Variants in ARHGEF3 observed in about 807,000 individuals in gnomAD.
ARHGEF3 encodes the protein 59.8 kDA protein.
Under a neutral mutation model 63.2 loss-of-function variants are expected in ARHGEF3, and 28 were observed. The observed-to-expected ratio is 0.44, with a 90% CI of 0.33 to 0.61. ARHGEF3 has a LOEUF of 0.61. Among genes scored for constraint, ARHGEF3 ranks in the 20% least tolerant of loss-of-function variants. The probability of loss-of-function intolerance (pLI) is 0.03; values close to 1 mark genes in which losing one functional copy is unlikely to be tolerated. For missense variants in ARHGEF3, 533 were observed against 659.3 expected, an observed-to-expected ratio of 0.81 and a Z score of 2.10; for synonymous variants, 266 against 254.2, an observed-to-expected ratio of 1.05 and a Z score of -0.44.
At chr3:56,729,684 G>A in intron 9 of ARHGEF3, 62 bp from the exon 10 acceptor site, 2 of 1,371,862 alleles carry the variant, frequency 1.5e-6, no homozygotes, top group Non-Finnish European at 2.0e-6. Flanking sequence ...AGGCCAAAGA[G>A]AACACACGTA....
At chr3:56,760,543 C>T (rs1049061666) in intron 2 of ARHGEF3, among the ~76,000 whole-genome samples, 6 of 152,106 alleles carry the variant, frequency 3.9e-5, no homozygotes, top group Admixed American at 1.3e-4. Flanking sequence ...GTCTTTTATG[C>T]GCTTTGCCTA....
chr3:56,803,850 AT>A, upstream of ARHGEF3, among the ~76,000 whole-genome samples: 1 of 151,590 alleles, frequency 6.6e-6, no homozygotes, highest in South Asian at 2.1e-4. Context: ...TTGGGAAATT[AT>A]AGTTTTTTAA....
chr3:56,993,664 C>T (rs539170838), intron 2 of ARHGEF3, among the ~76,000 whole-genome samples: 2 of 151,958 alleles, frequency 1.3e-5, no homozygotes, highest in Non-Finnish European at 1.5e-5. Flanking sequence ...CATGAGCCAC[C>T]GTGCCCAGCC....
intron 4 of ARHGEF3, among the ~76,000 whole-genome samples, chr3:56,814,283 G>A (rs1188825053): frequency 6.6e-6 from 1 of 152,050 alleles, no homozygotes; most frequent in Non-Finnish European, 1.5e-5. Flanking sequence ...TTCGTAAAAC[G>A]TTATGAGACT....
intron 2 of ARHGEF3, among the ~76,000 whole-genome samples, chr3:57,011,830 C>T (rs1259283924): frequency 6.6e-6 from 1 of 152,170 alleles, no homozygotes; most frequent in Non-Finnish European, 1.5e-5. Context: ...TTTATCACTG[C>T]AGGCCTCACT....
chr3:57,028,715 TAAAA>T (rs150495447), intron 2 of ARHGEF3, among the ~76,000 whole-genome samples: 1 of 134,532 alleles, frequency 7.4e-6, no homozygotes, highest in African/African-American at 2.9e-5. Flanking sequence ...AATAAATAAA[TAAAA>T]AAAAAAGAAC....
At chr3:56,893,496 A>G (rs1317019661) in intron 3 of ARHGEF3, among the ~76,000 whole-genome samples, 1 of 152,134 alleles carries the variant, frequency 6.6e-6, no homozygotes, top group Admixed American at 6.5e-5. Flanking sequence ...TGGGCTTTAT[A>G]ACAACTGTCT....
chr3:56,882,284 A>C, intron 4 of ARHGEF3: 1 of 1,551,462 alleles, frequency 6.4e-7, no homozygotes, highest in Non-Finnish European at 8.7e-7. Context: ...AGAAAGGACT[A>C]TACTTACACT....
intron 3 of ARHGEF3, among the ~76,000 whole-genome samples, chr3:56,951,104 G>GT (rs770994955): frequency 2.0e-5 from 3 of 151,602 alleles, no homozygotes; most frequent in Non-Finnish European, 2.9e-5. Context: ...ACAGGAAGGG[G>GT]AACATCACAC....
chr3:56,818,166 A>G (rs2108026384), intron 4 of ARHGEF3, among the ~76,000 whole-genome samples: 1 of 152,354 alleles, frequency 6.6e-6, no homozygotes, highest in South Asian at 2.1e-4. Flanking sequence ...GAAGTGGAAC[A>G]CATTTGTTAC....
intron 2 of ARHGEF3, among the ~76,000 whole-genome samples, chr3:56,758,558 C>T (rs899786883): frequency 6.6e-6 from 1 of 152,188 alleles, no homozygotes; most frequent in Non-Finnish European, 1.5e-5. Flanking sequence ...AGTAGCAACA[C>T]AAGCCCCTTA....
rs192994681 is a variant in ARHGEF3, at chr3:56,891,303, C to T, written c.130-8949G>A. 8.7e-4 allele frequency among the ~76,000 whole-genome samples: 132 copies of T among 151,540 alleles called. No homozygotes were observed. In the Middle Eastern group the frequency reaches 0.01, roughly 12 times the overall value. On this transcript the variant is annotated intron_variant, in intron 3 of 12. Transcript: ENST00000338458. ...AATGTGCTGGGATTACAGGTGTGAC[C>T]CACCGTGCCTGGCCCCTACTCCATT...
intron 3 of ARHGEF3, among the ~76,000 whole-genome samples, chr3:56,900,640 C>T (rs2041472538): frequency 6.6e-6 from 1 of 152,156 alleles, no homozygotes; most frequent in Non-Finnish European, 1.5e-5. Context: ...AAAACAACAC[C>T]ACCACCAACG....
At chr3:56,781,771 G>C (rs2036578355) in intron 1 of ARHGEF3, among the ~76,000 whole-genome samples, 1 of 152,170 alleles carries the variant, frequency 6.6e-6, no homozygotes, top group Admixed American at 6.5e-5. Flanking sequence ...CCAATTTAGG[G>C]AGTGTTTACT....
intron 2 of ARHGEF3, among the ~76,000 whole-genome samples, chr3:56,763,701 T>C (rs925575436): frequency 6.6e-6 from 1 of 152,158 alleles, no homozygotes; most frequent in African/African-American, 2.4e-5. Flanking sequence ...AATTTTTGTT[T>C]TCTTTTTAAA....
intron 1 of ARHGEF3, among the ~76,000 whole-genome samples, chr3:57,070,601 G>A (rs1560177458): frequency 6.6e-6 from 1 of 152,042 alleles, no homozygotes; most frequent in Non-Finnish European, 1.5e-5. Context: ...GTCTCTTTTT[G>A]CAGAAACTAA....
chr3:56,825,304 C>T (rs965870705), intron 4 of ARHGEF3, among the ~76,000 whole-genome samples: 1 of 152,256 alleles, frequency 6.6e-6, no homozygotes, highest in Admixed American at 6.5e-5. Flanking sequence ...CCACATTCTT[C>T]ACAAGCTATA....
At position 56,733,344 on chromosome 3, in the gene ARHGEF3, G is replaced by C. The variant is rs76947901; in HGVS notation, c.1042-920C>G. The stretch of plus-strand genomic sequence containing the variant: ...AGGTGGGCGGGGCGGGGGGGGGGGG[G>C]GGGCGCCTGTAATCCCAGCTACTCA... On this transcript the variant is annotated intron_variant, in intron 8 of 9. Transcript: ENST00000296315. 7.8e-5 allele frequency among the ~76,000 whole-genome samples: 5 copies of C among 64,264 alleles called. 1 individual carries two copies. The highest frequency in any genetic ancestry group is 1.2e-3 in the East Asian group (2 of 1,736). 42.2% of individuals were successfully genotyped at this position (64,264 alleles called of 152,430 possible).
intron 3 of ARHGEF3, among the ~76,000 whole-genome samples, chr3:56,894,691 G>A (rs1243576769): frequency 6.6e-6 from 1 of 152,006 alleles, no homozygotes. Flanking sequence ...ATGGGCAAAT[G>A]GGTTCATTTG....
Sources: gnomAD v4.1 joint callset for allele counts (sites outside exome capture counted in the v4.1 genomes callset) on GRCh38, gnomAD v4.1.1 for gene constraint, MANE v1.5 for transcripts, NCBI Gene and HGNC (gene_info 2026-07-23, HGNC 2026-07-21) for gene names.